Variants in RBM20 observed in about 807,000 individuals in gnomAD.
RBM20 encodes the protein RNA-binding protein 20.
RBM20 carries 51 observed loss-of-function variants against 110.1 expected under a neutral mutation model. The observed-to-expected ratio is 0.46, with a 90% confidence interval of 0.37 to 0.59. RBM20 has a LOEUF of 0.59. Ranked by LOEUF, RBM20 falls within the 20% of genes least tolerant of loss-of-function variation. RBM20 has a pLI of 0.00. For missense variants in RBM20, 1,512 were observed against 1,574.9 expected (o/e 0.96, Z 0.68); for synonymous variants, 589 against 618.2 (o/e 0.95, Z 0.70).
Position 110,799,877 on chromosome 10 carries a change from C to G in RBM20, c.1759C>G (p.Leu587Val). Residue 587 changes from leucine to valine, a missense_variant, in exon 7 of 14, where the codon CTC becomes GTC. Transcript: ENST00000369519. ...KSAVINGEKLLIRMSKRYKEL... is the reference protein window; with the variant it reads ...KSAVINGEKLVIRMSKRYKEL... ...TGCTGTGATCAATGGTGAGAAGTTG[C>G]TCATTCGGATGTCCAAGAGATACAA... 1 of 1,552,054 alleles carries G rather than the reference C, an allele frequency of 6.4e-7. No individual in the cohort carries two copies. Among genetic ancestry groups the G allele is most frequent in the Non-Finnish European group, 8.7e-7 (1 of 1,147,004 alleles).
upstream of RBM20, among the ~76,000 whole-genome samples, chr10:110,643,420 C>G (rs1410508862): frequency 1.3e-5 from 2 of 152,230 alleles, no homozygotes; most frequent in Non-Finnish European, 2.9e-5. Context: ...GCAGGATGTC[C>G]GCGTCCACAG....
At chr10:110,789,399 A>G (rs1844457706) in intron 5 of RBM20, among the ~76,000 whole-genome samples, 3 of 133,202 alleles carry the variant, frequency 2.3e-5, no homozygotes, top group Non-Finnish European at 3.3e-5. Context: ...TTGTTTGTTT[A>G]TTTATTTTTG....
At chr10:110,810,842 TGTGC>T (rs1319375080) in intron 8 of RBM20, among the ~76,000 whole-genome samples, 1 of 119,624 alleles carries the variant, frequency 8.4e-6, no homozygotes, top group Non-Finnish European at 1.9e-5. Context: ...TGTGCATGTG[TGTGC>T]GTGTGTGTGT....
intron 1 of RBM20, among the ~76,000 whole-genome samples, chr10:110,699,241 T>TA (rs141746821): frequency 3.4e-4 from 48 of 139,294 alleles, no homozygotes; most frequent in Admixed American, 4.4e-4. Flanking sequence ...AGGGCATCTT[T>TA]AAAAAAAAAA....
At chr10:110,744,969 G>A (rs568960585) in intron 1 of RBM20, among the ~76,000 whole-genome samples, 31 of 152,286 alleles carry the variant, frequency 2.0e-4, no homozygotes, top group African/African-American at 7.5e-4. Context: ...AGAGCGAGAG[G>A]TTACTTCTGC....
Position 110,758,014 on chromosome 10 carries a change from CTT to C in RBM20, c.192-22764_192-22763del, listed in dbSNP as rs760246427. Reference sequence around the variant, plus strand: ...AGAAAAGACAGGCAAGATCCTTGTTCTTTTTTTTTTTTTTTTTTTTTTTTGAG... The same window carrying C: ...AGAAAAGACAGGCAAGATCCTTGTTCTTTTTTTTTTTTTTTTTTTTTTGAG... On this transcript the variant is annotated intron_variant, in intron 1 of 13. Transcript: ENST00000369519. Among the ~76,000 whole-genome samples, 4 of 79,906 alleles carry C rather than the reference CTT, an allele frequency of 5.0e-5. No homozygotes were observed. In the Admixed American group the frequency reaches 5.5e-4, roughly 11 times the overall value. The allele number at this position is 79,906 out of a possible 152,430, so 52.4% of individuals were successfully genotyped here. A position where few individuals can be genotyped will look rare whatever the true frequency, so the allele number is the denominator to read the frequency against.
intron 1 of RBM20, among the ~76,000 whole-genome samples, chr10:110,647,524 A>G (rs7101002): frequency 0.017 from 2,561 of 152,274 alleles, 79 homozygotes; most frequent in African/African-American, 0.059. Context: ...GCATTATTGT[A>G]TATAAAACAC....
At chr10:110,655,998 G>A (rs1862021655) in intron 1 of RBM20, among the ~76,000 whole-genome samples, 1 of 151,748 alleles carries the variant, frequency 6.6e-6, no homozygotes, top group East Asian at 1.9e-4. Flanking sequence ...TTAAACAATT[G>A]AGATAATAAT....
intron 1 of RBM20, 147 bp from the exon 2 acceptor site, chr10:110,780,654 C>A: frequency 1.3e-6 from 1 of 791,460 alleles, no homozygotes. Flanking sequence ...TATGTGTGAG[C>A]ACAGGTTTTT....
At chr10:110,787,010 T>G (rs912041032) in intron 5 of RBM20, among the ~76,000 whole-genome samples, 2 of 152,230 alleles carry the variant, frequency 1.3e-5, no homozygotes, top group African/African-American at 4.8e-5. Context: ...GCGCTGCCCA[T>G]TGAGCCAGAG....
intron 1 of RBM20, among the ~76,000 whole-genome samples, chr10:110,691,094 G>C (rs140476610): frequency 6.6e-6 from 1 of 152,328 alleles, no homozygotes; most frequent in East Asian, 1.9e-4. Context: ...TATGAGAAGA[G>C]ACACGAAAGA....
chr10:110,715,577 C>G (rs189537769), intron 1 of RBM20, among the ~76,000 whole-genome samples: 193 of 152,322 alleles, frequency 1.3e-3, no homozygotes, highest in African/African-American at 4.4e-3. Flanking sequence ...AGCCACAAAA[C>G]CCCAGAGGTT....
chr10:110,799,820 C>G lies in RBM20; in HGVS notation c.1702C>G (p.Gln568Glu). The change falls in exon 7 of 14, where the codon CAG becomes GAG. Residue 568 changes from glutamine to glutamate, a missense_variant. Physicochemically the swap from Gln to Glu is conservative, Grantham distance 29. Transcript: ENST00000369519. ...AGAGATGGCTTACACAGAAGCTGCA[C>G]AGGCCATGGTCCAGTATTATCAAGA... ...FLEMAYTEAA[Q>E]AMVQYYQEKS... 1 of 1,551,474 alleles carries G rather than the reference C, an allele frequency of 6.4e-7. No homozygotes were observed. The highest frequency in any genetic ancestry group is 1.7e-4 in the Middle Eastern group (1 of 5,990).
chr10:110,672,590 G>A (rs1435525740), intron 1 of RBM20, among the ~76,000 whole-genome samples: 2 of 152,236 alleles, frequency 1.3e-5, no homozygotes, highest in African/African-American at 2.4e-5. Flanking sequence ...CGCCCCCACG[G>A]TTCTCCAGCG....
At chr10:110,698,837 T>C (rs890737459) in intron 1 of RBM20, among the ~76,000 whole-genome samples, 1 of 152,156 alleles carries the variant, frequency 6.6e-6, no homozygotes, top group African/African-American at 2.4e-5. Flanking sequence ...ATGGTGACCT[T>C]TCAGTGGTAT....
At chr10:110,658,149 C>G (rs1267990905) in intron 1 of RBM20, among the ~76,000 whole-genome samples, 1 of 152,080 alleles carries the variant, frequency 6.6e-6, no homozygotes, top group Non-Finnish European at 1.5e-5. Flanking sequence ...TGAAAGAAAC[C>G]CTAAAAATCA....
chr10:110,751,473 A>G (rs951942520), intron 1 of RBM20, among the ~76,000 whole-genome samples: 1 of 152,212 alleles, frequency 6.6e-6, no homozygotes, highest in Admixed American at 6.5e-5. Flanking sequence ...AAGTCACTAT[A>G]TTTCCTAAAA....
At chr10:110,803,866 C>T (rs897772583) in intron 7 of RBM20, among the ~76,000 whole-genome samples, 1 of 131,110 alleles carries the variant, frequency 7.6e-6, no homozygotes, top group Admixed American at 8.0e-5. Flanking sequence ...GTAAATGAAA[C>T]GTCCAGGAGT....
intron 1 of RBM20, among the ~76,000 whole-genome samples, chr10:110,761,790 C>T (rs773447931): frequency 2.2e-4 from 33 of 152,260 alleles, no homozygotes; most frequent in Non-Finnish European, 4.3e-4. Context: ...CCCGTCTATC[C>T]TGGTACCGGA....
Sources: allele counts gnomAD v4.1 joint callset (sites outside exome capture counted in the v4.1 genomes callset), GRCh38; gene constraint gnomAD v4.1.1; transcripts MANE v1.5; gene names NCBI Gene and HGNC (gene_info 2026-07-23, HGNC 2026-07-21).